BRCA2: variants seen among roughly 807,000 people sequenced by gnomAD.
BRCA2 encodes the protein breast cancer type 2 susceptibility protein.
A neutral mutation model predicts 276.7 loss-of-function variants in BRCA2; 203 were observed. The ratio of observed to expected loss-of-function variants is 0.73; its 90% CI spans 0.65 to 0.82. The LOEUF (loss-of-function observed/expected upper bound fraction) is 0.82, where lower values mean the gene tolerates loss of function less well. Ranked by LOEUF, BRCA2 falls within the 40% of genes least tolerant of loss-of-function variation. BRCA2 has a pLI of 0.00. For missense variants in BRCA2, 3,920 were observed against 3,915.0 expected (o/e 1.00, Z -0.03); for synonymous variants, 1,289 against 1,338.4 (o/e 0.96, Z 0.81).
intron 18 of BRCA2, among the ~76,000 whole-genome samples, chr13:32,365,721 CTTTT>C (rs36116910): frequency 2.8e-5 from 3 of 105,882 alleles, no homozygotes; most frequent in Admixed American, 1.0e-4. Context: ...ACTTTGGTGT[CTTTT>C]TTTTTTTTTT....
intron 3 of BRCA2, among the ~76,000 whole-genome samples, chr13:32,323,851 A>G (rs1226937581): frequency 6.6e-6 from 1 of 152,208 alleles, no homozygotes; most frequent in Non-Finnish European, 1.5e-5. Flanking sequence ...TGCCCTGGAG[A>G]GTCAAATATA....
intron 4 of BRCA2, among the ~76,000 whole-genome samples, chr13:32,325,732 G>T: frequency 6.6e-6 from 1 of 151,744 alleles, no homozygotes; most frequent in African/African-American, 2.4e-5. Context: ...AGTAGAGACG[G>T]GGTTTCACCG....
At chr13:32,320,106 G>A (rs1417263652) in intron 3 of BRCA2, among the ~76,000 whole-genome samples, 2 of 152,192 alleles carry the variant, frequency 1.3e-5, no homozygotes, top group Non-Finnish European at 2.9e-5. Context: ...TCAGGAAATA[G>A]CAAGTAATTC....
At chr13:32,358,239 G>T (rs1413588354) in intron 16 of BRCA2, among the ~76,000 whole-genome samples, 1 of 152,074 alleles carries the variant, frequency 6.6e-6, no homozygotes, top group African/African-American at 2.4e-5. Flanking sequence ...ACTTTGGGAG[G>T]CCGAGGCGGG....
intron 20 of BRCA2, among the ~76,000 whole-genome samples, chr13:32,372,202 G>C (rs929764825): frequency 2.0e-5 from 3 of 152,152 alleles, no homozygotes; most frequent in African/African-American, 7.2e-5. Context: ...TGCTTTATCA[G>C]AATATTATGT....
rs542635026 is a variant in BRCA2, at chr13:32,376,194, T to A, written c.8633-476T>A. 2.6e-5 allele frequency among the ~76,000 whole-genome samples: 4 copies of A among 151,332 alleles called. No individual in the cohort carries two copies. Among genetic ancestry groups the A allele is most frequent in the African/African-American group, 2.4e-5 (1 of 40,938 alleles). The stretch of plus-strand genomic sequence containing the variant: ...AACTCTGTATGACTTTTTTTTTTTT[T>A]AAACATGAGTACACTGGTTTCAAAA... On this transcript the variant is annotated intron_variant, in intron 20 of 26. Coordinates refer to ENST00000380152, the MANE Select transcript of BRCA2 (RefSeq NM_000059.4).
At chr13:32,326,847 C>T (rs185092798) in intron 7 of BRCA2, among the ~76,000 whole-genome samples, 51 of 152,282 alleles carry the variant, frequency 3.3e-4, no homozygotes, top group African/African-American at 1.1e-3. Context: ...ATGTGATTAA[C>T]GTAGAATAGC....
rs2137530827 is a variant in BRCA2, at chr13:32,341,163, G to A, written c.6808G>A (p.Gly2270Arg). 6.2e-7 allele frequency: 1 copy of A among 1,613,832 alleles called. No homozygotes were observed. The highest frequency in any genetic ancestry group is 8.5e-7 in the Non-Finnish European group (1 of 1,179,886). Residue 2270 changes from glycine (G) to arginine (R), a missense_variant, in exon 11 of 27, where the codon GGA becomes AGA. Physicochemically the swap from Gly to Arg is moderately radical, Grantham distance 125 (BLOSUM62 -2). Coordinates refer to ENST00000380152, the MANE Select transcript of BRCA2 (RefSeq NM_000059.4). The part of the protein sequence containing the change: ...EEMVLSNSRI[G>R]KRRGEPLILV... ...AATGGTTTTGTCAAATTCAAGAATT[G>A]GAAAAAGAAGAGGAGAGCCCCTTAT...
rs80358960 is a variant in BRCA2 at position 32,355,247 on chromosome 13, C to T, written c.7394C>T (p.Ala2465Val). Residue 2465 changes from alanine (A) to valine (V), a missense_variant, in exon 14 of 27, where the codon GCA (alanine) becomes GTA (valine). By Grantham distance (64) the Ala-to-Val change is moderately conservative. Transcript: ENST00000380152. ...TTTAACAAAAACAACTCCAATCAAG[C>T]AGTAGCTGTAACTTTCACAAAGTGT... ...HQFNKNNSNQ[A>V]VAVTFTKCEE... 2.5e-6 allele frequency: 4 copies of T among 1,613,062 alleles called. No individual in the cohort carries two copies. The highest frequency in any genetic ancestry group is 2.2e-5 in the East Asian group (1 of 44,818).
Position 32,397,049 on chromosome 13 carries a change from G to A in BRCA2, c.9648+5G>A, listed in dbSNP as rs2137659906. On this transcript the variant is annotated splice_donor_5th_base_variant and intron_variant, in intron 26 of 26. Transcript: ENST00000380152. ...GGTACAGGAAACAAGCTTCTGGTAA[G>A]TTAATGTAAACTCAAGGAATATTAT... 6.2e-7 allele frequency: 1 copy of A among 1,613,458 alleles called. No homozygotes were observed. Among genetic ancestry groups the A allele is most frequent in the African/African-American group, 1.3e-5 (1 of 75,018 alleles).
At chr13:32,350,990 A>G (rs1044100390) in intron 13 of BRCA2, among the ~76,000 whole-genome samples, 2 of 152,018 alleles carry the variant, frequency 1.3e-5, no homozygotes, top group South Asian at 2.1e-4. Flanking sequence ...ACCGGTCAGC[A>G]CTCTGTGTCT....
At position 32,332,285 on chromosome 13, in the gene BRCA2, A is replaced by G. The variant is rs142072914; in HGVS notation, c.807A>G (p.Thr269=). The part of the protein sequence containing the change: ...REAASHGFGK[T]SGNSFKVNSC... ...ATACTTTAACAGGATTTGGAAAAAC[A>G]TCAGGGAATTCATTTAAAGTAAATA... Residue 269 remains threonine, a synonymous_variant, in exon 10 of 27, where the codon ACA becomes ACG. Coordinates refer to ENST00000380152, the MANE Select transcript of BRCA2 (RefSeq NM_000059.4). 6 of 1,603,850 alleles carry G rather than the reference A, an allele frequency of 3.7e-6. No homozygotes were observed. Among genetic ancestry groups the G allele is most frequent in the East Asian group, 2.2e-5 (1 of 44,760 alleles).
chr13:32,384,475 T>C (rs2072945132), intron 24 of BRCA2, among the ~76,000 whole-genome samples: 2 of 152,280 alleles, frequency 1.3e-5, no homozygotes, highest in East Asian at 3.9e-4. Flanking sequence ...TTAAATGTTT[T>C]AATTTTTGTG....
At chr13:32,316,700 AATAT>A (rs983136114) in intron 2 of BRCA2, among the ~76,000 whole-genome samples, 173 bp downstream of exon 2, 30 of 152,334 alleles carry the variant, frequency 2.0e-4, no homozygotes, top group African/African-American at 6.3e-4. Context: ...CCACATGATA[AATAT>A]AGAACGTCTA....
chr13:32,352,989 AAAAG>A (rs1388184398), intron 13 of BRCA2, among the ~76,000 whole-genome samples: 3 of 152,238 alleles, frequency 2.0e-5, no homozygotes, highest in African/African-American at 7.2e-5. Context: ...TGAATATTTA[AAAAG>A]AAAGGATTAA....
chr13:32,368,001 CTTTTTTTTTTTTTTTTTTTTTTTT>C (rs71071031), intron 18 of BRCA2, among the ~76,000 whole-genome samples: 1 of 50,728 alleles, frequency 2.0e-5, no homozygotes, highest in South Asian at 9.8e-4. Flanking sequence ...TCTTCTAATT[CTTTTTTTTTTTTTTTTTTTTTTTT>C]TTTTTTTTTT....
rs746802928 is a variant in BRCA2, at chr13:32,379,977, T to C, written c.9118-30T>C. 1.0e-4 allele frequency: 162 copies of C among 1,613,508 alleles called. 4 individuals carry two copies. The South Asian group carries it at 1.5e-3, about 15-fold the overall frequency. The stretch of plus-strand genomic sequence containing the variant: ...TGCTTGTTAGTTTATGGAATCTCCA[T>C]ATGTTGAATTTTTGTTTTGTTTTCT... On this transcript the variant is annotated intron_variant, in intron 23 of 26. Transcript: ENST00000380152.
In BRCA2 at chr13:32,339,028, GT is replaced by G. The variant is rs1064794708; in HGVS notation, c.4677del (p.Phe1559LeufsTer9). Reference sequence around the variant, plus strand: ...GAGCAAGGTACTAGTGAAATCACCAGTTTTAGCCATCAATGGGCAAAGACCC... The same window carrying G: ...GAGCAAGGTACTAGTGAAATCACCAGTTTAGCCATCAATGGGCAAAGACCC... Reference protein sequence around the residue: ...EKEQGTSEITSFSHQWAKTLK... With the variant: ...EKEQGTSEITXFSHQWAKTLK... On this transcript the variant is annotated frameshift_variant, in exon 11 of 27. Coordinates refer to ENST00000380152, the MANE Select transcript of BRCA2 (RefSeq NM_000059.4). LOFTEE classifies it high-confidence loss of function. The G allele has an allele frequency of 6.2e-7, 1 of 1,613,988 alleles. No individual in the cohort carries two copies. Among genetic ancestry groups the G allele is most frequent in the Non-Finnish European group, 8.5e-7 (1 of 1,179,934 alleles).
intron 14 of BRCA2, 124 bp downstream of exon 14, chr13:32,355,412 A>G (rs1680439164): frequency 9.1e-7 from 1 of 1,099,186 alleles, no homozygotes; most frequent in African/African-American, 1.6e-5. Flanking sequence ...TTAATGTTTT[A>G]GATTTTCTAA....
Sources: gnomAD v4.1 joint callset for allele counts (sites outside exome capture counted in the v4.1 genomes callset) on GRCh38, gnomAD v4.1.1 for gene constraint, MANE v1.5 for transcripts, NCBI Gene and HGNC (gene_info 2026-07-23, HGNC 2026-07-21) for gene names.